Variants in YPEL1 observed in about 807,000 individuals in gnomAD.
The protein encoded by YPEL1 is yippee like 1.
A neutral mutation model predicts 17.3 loss-of-function variants in YPEL1; 7 were observed. The observed-to-expected ratio is 0.40, with a 90% CI of 0.23 to 0.76. The LOEUF is 0.76. Ranked by LOEUF, YPEL1 falls within the 30% of genes least tolerant of loss-of-function variation. The probability of loss-of-function intolerance (pLI) is 0.35; values close to 1 mark genes in which losing one functional copy is unlikely to be tolerated. For missense variants in YPEL1, 91 were observed against 155.5 expected, an observed-to-expected ratio of 0.59 and a Z score of 2.21; for synonymous variants, 59 against 59.6, an observed-to-expected ratio of 0.99 and a Z score of 0.05.
At chr22:21,725,411 G>A (rs759113044) in intron 1 of YPEL1, among the ~76,000 whole-genome samples, 34 of 151,182 alleles carry the variant, frequency 2.2e-4, no homozygotes, top group Non-Finnish European at 4.7e-4. Flanking sequence ...TGTATTCTTT[G>A]GTAGAGACAG....
chr22:21,730,287 G>A (rs8135410), intron 1 of YPEL1, among the ~76,000 whole-genome samples: 6 of 151,856 alleles, frequency 4.0e-5, no homozygotes, highest in African/African-American at 1.4e-4. Context: ...GCAGTAGCAC[G>A]ATCTTGGCTC....
intron 1 of YPEL1, among the ~76,000 whole-genome samples, chr22:21,718,925 A>C (rs958936331): frequency 1.3e-5 from 2 of 151,316 alleles, no homozygotes; most frequent in African/African-American, 4.8e-5. Flanking sequence ...TCTTTTTCTT[A>C]CTAGCTGCTA....
intron 1 of YPEL1, among the ~76,000 whole-genome samples, chr22:21,716,219 A>G (rs906808138): frequency 2.8e-4 from 42 of 152,238 alleles, no homozygotes; most frequent in African/African-American, 9.2e-4. Context: ...TAAAAGTTAC[A>G]TTTTTAAAAA....
Position 21,701,042 on chromosome 22 carries a change from G to A in YPEL1, c.*87C>T. On this transcript the variant is annotated 3_prime_UTR_variant, in exon 5 of 5. Coordinates refer to ENST00000339468, the MANE Select transcript of YPEL1 (RefSeq NM_013313.5). ...GCCTTTGAGGTCAGAGGGCAAGAAA[G>A]GCTGTCACCAGATGCTCCTACGTTT... The A allele has an allele frequency of 8.1e-7, 1 of 1,234,306 alleles. No homozygotes were observed. The highest frequency in any genetic ancestry group is 1.8e-5 in the Admixed American group (1 of 56,544). The allele number at this position is 1,234,306 out of a possible 1,614,324, so 76.5% of individuals were successfully genotyped here.
chr22:21,721,674 T>C (rs995189796), intron 1 of YPEL1, among the ~76,000 whole-genome samples: 1 of 152,340 alleles, frequency 6.6e-6, no homozygotes, highest in South Asian at 2.1e-4. Context: ...TCCACCTGCT[T>C]TGGCCTTCCA....
intron 1 of YPEL1, among the ~76,000 whole-genome samples, chr22:21,717,641 A>G (rs374912302): frequency 2.0e-5 from 3 of 152,178 alleles, no homozygotes; most frequent in East Asian, 3.9e-4. Context: ...AAATAATGAA[A>G]CTGCAAAACA....
intron 1 of YPEL1, among the ~76,000 whole-genome samples, chr22:21,734,225 G>GAAAC (rs980851650): frequency 6.6e-6 from 1 of 152,168 alleles, no homozygotes; most frequent in South Asian, 2.1e-4. Context: ...CTCAAACAAA[G>GAAAC]AAACAAACAG....
chr22:21,711,005 TGGG>T, intron 1 of YPEL1, 97 bp from the exon 2 acceptor site: 1 of 386,148 alleles, frequency 2.6e-6, no homozygotes, highest in South Asian at 3.3e-5. Flanking sequence ...ACACGCGGGG[TGGG>T]GGGGTGGCAG....
At chr22:21,712,456 G>C (rs1397339487) in intron 1 of YPEL1, among the ~76,000 whole-genome samples, 1 of 150,236 alleles carries the variant, frequency 6.7e-6, no homozygotes, top group Non-Finnish European at 1.5e-5. Context: ...GCCCGGCGTG[G>C]TGGCTCACGC....
chr22:21,701,884 TTTC>T lies in YPEL1; in HGVS notation c.271-669_271-667del, dbSNP rs149839509. ...AGACAAGCCTACGCAACACAGTGAT[TTTC>T]TTCTACAAAAATCAAAAACTTAGCT... On this transcript the variant is annotated intron_variant, in intron 4 of 4. Coordinates refer to ENST00000339468, the MANE Select transcript of YPEL1 (RefSeq NM_013313.5). Among the ~76,000 whole-genome samples the T allele has an allele frequency of 7.7e-3, 1,169 of 152,130 alleles. 17 individuals are homozygous for T. Among genetic ancestry groups the T allele is most frequent in the African/African-American group, 0.026 (1,092 of 41,502 alleles).
chr22:21,724,572 C>CTTTTT (rs111485924), intron 1 of YPEL1, among the ~76,000 whole-genome samples: 19 of 134,594 alleles, frequency 1.4e-4, no homozygotes, highest in South Asian at 2.4e-4. Context: ...AAATTTTTTT[C>CTTTTT]TTTTTTTTTT....
At chr22:21,727,596 T>C (rs2148614264) in intron 1 of YPEL1, among the ~76,000 whole-genome samples, 1 of 152,330 alleles carries the variant, frequency 6.6e-6, no homozygotes, top group African/African-American at 2.4e-5. Flanking sequence ...TGTAAAATTA[T>C]TTTAAGAGAA....
Position 21,700,942 on chromosome 22 carries a change from T to C in YPEL1, c.*187A>G, listed in dbSNP as rs996304688. 24 of 502,176 alleles carry C rather than the reference T, an allele frequency of 4.8e-5. No individual in the cohort carries two copies. The highest frequency in any genetic ancestry group is 4.0e-4 in the African/African-American group (21 of 52,068). 31.1% of individuals were successfully genotyped at this position (502,176 alleles called of 1,614,324 possible). A position where few individuals can be genotyped will look rare whatever the true frequency, so the allele number is the denominator to read the frequency against. ...TTGAAAATTTTCAGAAACAACTGTG[T>C]ACACGAAGAGGACAGATCCGAGGGA... On this transcript the variant is annotated 3_prime_UTR_variant, in exon 5 of 5. Transcript: ENST00000339468.
chr22:21,700,816 A>G lies in YPEL1; in HGVS notation c.*313T>C, dbSNP rs982819332. 6 of 222,030 alleles carry G rather than the reference A, an allele frequency of 2.7e-5. No homozygotes were observed. In the Admixed American group the frequency reaches 3.2e-4, roughly 12 times the overall value. The allele number at this position is 222,030 out of a possible 1,614,324, so 13.8% of individuals were successfully genotyped here. ...CTGAACCTTAAAAAAGCAGAGCCCA[A>G]CTATATTGAAGACAAAGGTGAAAGG... On this transcript the variant is annotated 3_prime_UTR_variant, in exon 5 of 5. Coordinates refer to ENST00000339468, the MANE Select transcript of YPEL1 (RefSeq NM_013313.5).
At chr22:21,709,812 A>G (rs906424740) in intron 2 of YPEL1, among the ~76,000 whole-genome samples, 5 of 147,460 alleles carry the variant, frequency 3.4e-5, no homozygotes, top group Non-Finnish European at 7.5e-5. Context: ...AGTGGAGGTA[A>G]TGATCCGTGA....
chr22:21,728,790 G>A (rs1205765475), intron 1 of YPEL1, among the ~76,000 whole-genome samples: 1 of 152,030 alleles, frequency 6.6e-6, no homozygotes, highest in East Asian at 1.9e-4. Context: ...TGGGTGCATC[G>A]CTTGAGTCCA....
chr22:21,718,783 TACACACAC>T (rs10664985), intron 1 of YPEL1, among the ~76,000 whole-genome samples: 4 of 150,064 alleles, frequency 2.7e-5, no homozygotes, highest in Admixed American at 6.6e-5. Context: ...CACGTGTAAA[TACACACAC>T]ACACACACAC....
At chr22:21,723,732 C>A (rs1042854623) in intron 1 of YPEL1, among the ~76,000 whole-genome samples, 2 of 149,136 alleles carry the variant, frequency 1.3e-5, no homozygotes, top group Non-Finnish European at 3.0e-5. Context: ...GTTCCCCAGG[C>A]TGGACTCACT....
Position 21,703,818 on chromosome 22 carries a change from G to T in YPEL1, c.161+21C>A, listed in dbSNP as rs778299040. ...TCCCAGGGCCCGTGCCGCTCCCCCC[G>T]GGCTGAACCAGGGTACTCACACGGA... On this transcript the variant is annotated intron_variant, in intron 3 of 4. Coordinates refer to ENST00000339468, the MANE Select transcript of YPEL1 (RefSeq NM_013313.5). The surrounding 1 kb of genome is among the most constrained non-coding windows in gnomAD (Gnocchi z 6.1). 8.7e-6 allele frequency: 14 copies of T among 1,607,518 alleles called. No homozygotes were observed. Among genetic ancestry groups the T allele is most frequent in the Non-Finnish European group, 1.2e-5 (14 of 1,177,110 alleles).
Sources: allele counts gnomAD v4.1 joint callset (sites outside exome capture counted in the v4.1 genomes callset), GRCh38; gene constraint gnomAD v4.1.1; non-coding constraint Gnocchi (gnomAD v3.1); transcripts MANE v1.5; gene names NCBI Gene and HGNC (gene_info 2026-07-23, HGNC 2026-07-21).